GSG1L: variants seen among roughly 807,000 people sequenced by gnomAD.
The protein encoded by GSG1L is germ cell-specific gene 1-like protein.
A neutral mutation model predicts 42.1 loss-of-function variants in GSG1L; 24 were observed. The observed-to-expected ratio is 0.57, with a 90% CI of 0.41 to 0.80. The LOEUF (loss-of-function observed/expected upper bound fraction) is 0.80, where lower values mean the gene tolerates loss of function less well. GSG1L is among the 30% of genes least tolerant of loss of function. GSG1L has a pLI of 0.00. For missense variants in GSG1L, 445 were observed against 472.2 expected (o/e 0.94, Z 0.53); for synonymous variants, 215 against 203.5 (o/e 1.06, Z -0.48).
intron 5 of GSG1L, among the ~76,000 whole-genome samples, chr16:27,824,811 G>A (rs907053445): frequency 6.6e-6 from 1 of 152,198 alleles, no homozygotes; most frequent in African/African-American, 2.4e-5. Context: ...GCAAAATGAG[G>A]TGTGTTTTAC....
intron 2 of GSG1L, among the ~76,000 whole-genome samples, chr16:27,920,760 A>G (rs1389305888): frequency 6.6e-6 from 1 of 152,162 alleles, no homozygotes; most frequent in Non-Finnish European, 1.5e-5. Flanking sequence ...GAAGATTGCC[A>G]CTTCTCCTGC....
chr16:27,890,305 G>A (rs2084110691), intron 2 of GSG1L, among the ~76,000 whole-genome samples: 1 of 152,216 alleles, frequency 6.6e-6, no homozygotes, highest in African/African-American at 2.4e-5. Flanking sequence ...GGAGGTCACA[G>A]GGTAGAGAAG....
In GSG1L at chr16:28,063,196, AGGC is replaced by A; in HGVS notation, c.226_228del (p.Ala76del). 7.7e-7 allele frequency: 1 copy of A among 1,295,170 alleles called. No homozygotes were observed. The highest frequency in any genetic ancestry group is 2.3e-5 in the South Asian group (1 of 44,018). The allele number at this position is 1,295,170 out of a possible 1,614,324, so 80.2% of individuals were successfully genotyped here. A position where few individuals can be genotyped will look rare whatever the true frequency, so the allele number is the denominator to read the frequency against. The stretch of plus-strand genomic sequence containing the variant: ...GCGCCGCCAGGGGGGCCGTTCCCCG[AGGC>A]GGTGGCGGCGGCGGCGGCGGCGGCG... On this transcript the variant is annotated inframe_deletion, in exon 1 of 7. Transcript: ENST00000447459. This position sits in a 1 kb window ranked among gnomAD's most constrained non-coding sequence, Gnocchi z 5.8.
At chr16:27,873,831 G>A (rs1396308502) in intron 3 of GSG1L, among the ~76,000 whole-genome samples, 1 of 152,218 alleles carries the variant, frequency 6.6e-6, no homozygotes, top group Non-Finnish European at 1.5e-5. Flanking sequence ...GGGGAAAGGA[G>A]GGGTGAAATG....
chr16:27,875,955 T>C (rs1252242460), intron 3 of GSG1L, among the ~76,000 whole-genome samples: 1 of 152,204 alleles, frequency 6.6e-6, no homozygotes, highest in Non-Finnish European at 1.5e-5. Context: ...ATCACCTGGA[T>C]GCAGCTGTGC....
At chr16:27,931,613 G>A (rs1265467536) in intron 2 of GSG1L, among the ~76,000 whole-genome samples, 1 of 152,196 alleles carries the variant, frequency 6.6e-6, no homozygotes, top group Non-Finnish European at 1.5e-5. Context: ...TTTAAGCAGT[G>A]CAAATTCAAC....
chr16:27,999,986 G>C (rs560969620), intron 1 of GSG1L, among the ~76,000 whole-genome samples: 5 of 152,198 alleles, frequency 3.3e-5, no homozygotes, highest in African/African-American at 4.8e-5. Context: ...GATAAGCATA[G>C]AGTCACAGCT....
rs1342556118 is a variant in GSG1L at position 27,888,569 on chromosome 16, T to C, written c.398-3931A>G. Among the ~76,000 whole-genome samples the C allele has an allele frequency of 6.7e-3, 749 of 111,302 alleles. 94 individuals are homozygous for C. The highest frequency in any genetic ancestry group is 0.021 in the African/African-American group (537 of 25,072). 73.0% of individuals were successfully genotyped at this position (111,302 alleles called of 152,430 possible). A position where few individuals can be genotyped will look rare whatever the true frequency, so the allele number is the denominator to read the frequency against. ...TTTCTTTCTTTCTTTCTTTCTTTCT[T>C]TCTTTCTTTCTTTCTCCGTCTCTCT... On this transcript the variant is annotated intron_variant, in intron 2 of 6. Coordinates refer to ENST00000447459, the MANE Select transcript of GSG1L (RefSeq NM_001109763.2).
chr16:27,894,069 G>A (rs145781571), intron 2 of GSG1L, among the ~76,000 whole-genome samples: 3 of 152,316 alleles, frequency 2.0e-5, no homozygotes, highest in Admixed American at 1.3e-4. Context: ...TGTAATAAGA[G>A]GTGGTAAGGC....
At chr16:27,951,302 T>C (rs1234593656) in intron 2 of GSG1L, among the ~76,000 whole-genome samples, 1 of 152,044 alleles carries the variant, frequency 6.6e-6, no homozygotes. Flanking sequence ...GGGCTGGGAG[T>C]ATTATCTCCA....
chr16:27,973,289 A>C (rs1197388786), intron 1 of GSG1L, among the ~76,000 whole-genome samples: 2 of 151,856 alleles, frequency 1.3e-5, no homozygotes, highest in African/African-American at 2.4e-5. Flanking sequence ...GTCTCTACTG[A>C]AAATACAAAA....
chr16:27,793,565 A>G (rs776137586), intron 6 of GSG1L, among the ~76,000 whole-genome samples: 6 of 152,176 alleles, frequency 3.9e-5, no homozygotes, highest in Non-Finnish European at 5.9e-5. Context: ...GCATTTAGGC[A>G]TAATTTTAGC....
chr16:27,889,852 G>C (rs967207435), intron 2 of GSG1L, among the ~76,000 whole-genome samples: 1 of 152,164 alleles, frequency 6.6e-6, no homozygotes, highest in Non-Finnish European at 1.5e-5. Context: ...TAGATAATCT[G>C]ATCTTAGACA....
At chr16:27,865,890 G>A (rs146100390) in intron 3 of GSG1L, among the ~76,000 whole-genome samples, 6,513 of 151,604 alleles carry the variant, frequency 0.043, 231 homozygotes, top group East Asian at 0.11. Flanking sequence ...TTTTAGAGAT[G>A]GGGTCTCACT....
At chr16:27,962,268 G>C (rs906077886) in intron 2 of GSG1L, among the ~76,000 whole-genome samples, 1 of 152,210 alleles carries the variant, frequency 6.6e-6, no homozygotes, top group Non-Finnish European at 1.5e-5. Flanking sequence ...CTCCCTTCTA[G>C]CTGGGTGTGA....
In GSG1L at chr16:27,972,261, G is replaced by T. The variant is rs903014015; in HGVS notation, c.350-9058C>A. Among the ~76,000 whole-genome samples, 13 of 152,362 alleles carry T rather than the reference G, an allele frequency of 8.5e-5. No individual in the cohort carries two copies. The East Asian group carries it at 9.6e-4, about 11-fold the overall frequency. On this transcript the variant is annotated intron_variant, in intron 1 of 6. Transcript: ENST00000447459. ...GAGGTGATCAAACTTAGCCCACACT[G>T]CCCAGGCAGGTCAACGCTGAGGTTT...
intron 2 of GSG1L, among the ~76,000 whole-genome samples, chr16:27,952,559 A>C (rs2084961694): frequency 6.6e-6 from 1 of 152,314 alleles, no homozygotes; most frequent in East Asian, 1.9e-4. Flanking sequence ...GAGCATCAGG[A>C]CTGGAGCACA....
chr16:27,795,128 C>A (rs997506242), intron 6 of GSG1L, among the ~76,000 whole-genome samples: 2 of 152,066 alleles, frequency 1.3e-5, no homozygotes, highest in African/African-American at 4.8e-5. Context: ...CATCTTGGAG[C>A]CCTGATTCCC....
chr16:28,022,352 G>A (rs533481055), intron 1 of GSG1L, among the ~76,000 whole-genome samples: 1 of 152,204 alleles, frequency 6.6e-6, no homozygotes, highest in Non-Finnish European at 1.5e-5. Flanking sequence ...AGGAGACAAG[G>A]TCTCACTCTG....
Sources: allele counts gnomAD v4.1 joint callset (sites outside exome capture counted in the v4.1 genomes callset), GRCh38; gene constraint gnomAD v4.1.1; non-coding constraint Gnocchi (gnomAD v3.1); transcripts MANE v1.5; gene names NCBI Gene and HGNC (gene_info 2026-07-23, HGNC 2026-07-21).